The following COMMD10 variants were observed in gnomAD, a reference collection of about 807,000 sequenced individuals.
The protein encoded by COMMD10 is COMM domain-containing protein 10.
A neutral mutation model predicts 28.9 loss-of-function variants in COMMD10; 33 were observed. The observed-to-expected ratio is 1.14, with a 90% CI of 0.87 to 1.53. COMMD10 has a LOEUF of 1.53. Ranked by LOEUF, COMMD10 falls within the 40% of genes most tolerant of loss-of-function variation. COMMD10 has a pLI of 0.00. For synonymous variants in COMMD10, 110 were observed against 81.7 expected (o/e 1.35, Z -1.87); for missense variants, 310 against 233.4 (o/e 1.33, Z -2.14).
chr5:116,276,123 G>T (rs146767657), intron 5 of COMMD10, among the ~76,000 whole-genome samples: 1 of 151,406 alleles, frequency 6.6e-6, no homozygotes, highest in African/African-American at 2.4e-5. Flanking sequence ...ATCAGGCGAG[G>T]TTTTGCAGAG....
chr5:116,105,558 G>A (rs1352329038), intron 4 of COMMD10, among the ~76,000 whole-genome samples: 2 of 152,124 alleles, frequency 1.3e-5, no homozygotes, highest in Non-Finnish European at 2.9e-5. Context: ...TGTACCTCTG[G>A]TAGAATTTGG....
chr5:116,257,966 A>G (rs1336885824), intron 5 of COMMD10, among the ~76,000 whole-genome samples: 2 of 151,768 alleles, frequency 1.3e-5, no homozygotes, highest in South Asian at 2.1e-4. Flanking sequence ...AGAATGTTCA[A>G]GGCTAACTAT....
chr5:116,144,710 A>G (rs1472220927), intron 5 of COMMD10, among the ~76,000 whole-genome samples: 1 of 151,894 alleles, frequency 6.6e-6, no homozygotes, highest in African/African-American at 2.4e-5. Context: ...CTGATAACCT[A>G]GACAATTATG....
At chr5:116,122,656 T>C (rs1038801339) in intron 4 of COMMD10, among the ~76,000 whole-genome samples, 6 of 152,196 alleles carry the variant, frequency 3.9e-5, no homozygotes, top group East Asian at 1.9e-4. Context: ...TTTTATTTCA[T>C]TGAGCAGTGG....
intron 5 of COMMD10, among the ~76,000 whole-genome samples, chr5:116,172,673 A>G (rs555465739): frequency 1.6e-3 from 239 of 152,254 alleles, no homozygotes; most frequent in African/African-American, 5.7e-3. Context: ...ACTCCAGGGT[A>G]TCTTTTAGAG....
At chr5:116,212,756 A>G (rs1276926967) in intron 5 of COMMD10, among the ~76,000 whole-genome samples, 4 of 152,168 alleles carry the variant, frequency 2.6e-5, no homozygotes, top group Admixed American at 1.3e-4. Flanking sequence ...TAATAGTGGT[A>G]TATAACTTAG....
At chr5:116,097,774 G>A (rs1181524392) in intron 4 of COMMD10, among the ~76,000 whole-genome samples, 1 of 152,110 alleles carries the variant, frequency 6.6e-6, no homozygotes, top group Admixed American at 6.6e-5. Flanking sequence ...GGTGAATGGG[G>A]AGCAGGTGTC....
At chr5:116,228,691 AAATT>A (rs1749456351) in intron 5 of COMMD10, among the ~76,000 whole-genome samples, 1 of 151,974 alleles carries the variant, frequency 6.6e-6, no homozygotes, top group African/African-American at 2.4e-5. Flanking sequence ...TTGTAAATGA[AAATT>A]AAGTCTGGAT....
chr5:116,173,490 A>G (rs928010597), intron 5 of COMMD10, among the ~76,000 whole-genome samples: 5 of 152,200 alleles, frequency 3.3e-5, no homozygotes, highest in Admixed American at 1.3e-4. Flanking sequence ...TAGTATGAAT[A>G]TACTTACAAA....
At chr5:116,184,655 C>T (rs1748081548) in intron 5 of COMMD10, among the ~76,000 whole-genome samples, 1 of 152,082 alleles carries the variant, frequency 6.6e-6, no homozygotes, top group African/African-American at 2.4e-5. Context: ...CAAAAGAAAA[C>T]AGATTCAGCA....
chr5:116,244,553 G>A (rs1360760193), intron 5 of COMMD10, among the ~76,000 whole-genome samples: 1 of 150,930 alleles, frequency 6.6e-6, no homozygotes, highest in East Asian at 1.9e-4. Context: ...AAATATCTGA[G>A]GAGGGGTAAA....
intron 5 of COMMD10, among the ~76,000 whole-genome samples, chr5:116,273,184 C>T (rs1242220305): frequency 6.6e-6 from 1 of 151,834 alleles, no homozygotes; most frequent in Non-Finnish European, 1.5e-5. Flanking sequence ...AGATCCTGTT[C>T]AGACATACTG....
intron 5 of COMMD10, among the ~76,000 whole-genome samples, chr5:116,215,716 A>G (rs868593050): frequency 3.5e-5 from 4 of 114,394 alleles, no homozygotes; most frequent in African/African-American, 1.5e-4. Context: ...ATATATATAT[A>G]TATATATATA....
chr5:116,278,330 A>C (rs933780136), intron 5 of COMMD10, among the ~76,000 whole-genome samples: 2 of 151,798 alleles, frequency 1.3e-5, no homozygotes, highest in African/African-American at 4.9e-5. Context: ...TAAATATTTC[A>C]GTACCAAAGC....
chr5:116,279,067 T>A (rs996854678), intron 5 of COMMD10, among the ~76,000 whole-genome samples: 1 of 151,778 alleles, frequency 6.6e-6, no homozygotes, highest in African/African-American at 2.4e-5. Context: ...GGTGTATGCA[T>A]GTATGCCCTA....
At chr5:116,292,389 C>T in intron 6 of COMMD10, 62 bp from the exon 7 acceptor site, 4 of 1,151,296 alleles carry the variant, frequency 3.5e-6, no homozygotes, top group African/African-American at 1.6e-5. Flanking sequence ...GTCTGAATAA[C>T]ACTTGATATG....
intron 5 of COMMD10, among the ~76,000 whole-genome samples, chr5:116,146,537 A>G (rs1752356967): frequency 6.6e-6 from 1 of 151,932 alleles, no homozygotes; most frequent in South Asian, 2.1e-4. Flanking sequence ...TCTTATGAGT[A>G]ATTTGCATTA....
intron 5 of COMMD10, among the ~76,000 whole-genome samples, chr5:116,256,019 C>G (rs1313384120): frequency 1.3e-5 from 2 of 151,530 alleles, no homozygotes; most frequent in African/African-American, 4.9e-5. Context: ...TTTTCGTATT[C>G]AATCTCAGCT....
At chr5:116,259,812 C>G (rs1750391769) in intron 5 of COMMD10, among the ~76,000 whole-genome samples, 1 of 151,712 alleles carries the variant, frequency 6.6e-6, no homozygotes, top group Non-Finnish European at 1.5e-5. Flanking sequence ...TAATCTGGGA[C>G]TCTCCATAGT....
Sources: allele counts gnomAD v4.1 joint callset (sites outside exome capture counted in the v4.1 genomes callset), GRCh38; gene constraint gnomAD v4.1.1; transcripts MANE v1.5; gene names NCBI Gene and HGNC (gene_info 2026-07-23, HGNC 2026-07-21).